The following BCAS1 variants were observed in gnomAD, a reference collection of about 807,000 sequenced individuals.
BCAS1 encodes brain enriched myelin associated protein 1, also known as breast carcinoma-amplified sequence 1.
BCAS1 carries 46 observed loss-of-function variants against 65.4 expected under a neutral mutation model. That is an observed-to-expected ratio of 0.70 (90% CI 0.55 to 0.90). The LOEUF (loss-of-function observed/expected upper bound fraction) is 0.90, where lower values mean the gene tolerates loss of function less well. BCAS1 is among the 40% of genes least tolerant of loss of function. The pLI, the probability that BCAS1 is intolerant of heterozygous loss-of-function variation, is 0.00. For synonymous variants in BCAS1, 298 were observed against 293.5 expected (o/e 1.02, Z -0.16); for missense variants, 793 against 771.2 (o/e 1.03, Z -0.33).
chr20:54,028,142 C>A (rs902384955), intron 4 of BCAS1, among the ~76,000 whole-genome samples: 1 of 152,218 alleles, frequency 6.6e-6, no homozygotes, highest in Non-Finnish European at 1.5e-5. Context: ...AATTCATCTG[C>A]ATGTAACTCA....
At chr20:54,054,688 T>C (rs1161781573) in intron 3 of BCAS1, among the ~76,000 whole-genome samples, 5 of 152,332 alleles carry the variant, frequency 3.3e-5, no homozygotes, top group South Asian at 4.1e-4. Context: ...CTGAGGATGT[T>C]GACAGCAAGA....
At chr20:54,010,512 T>C (rs1245442780) in intron 4 of BCAS1, among the ~76,000 whole-genome samples, 2 of 152,094 alleles carry the variant, frequency 1.3e-5, no homozygotes, top group East Asian at 3.8e-4. Flanking sequence ...GAAAATGAAA[T>C]ACTAAGGTTT....
chr20:53,971,979 T>C (rs546253087), intron 9 of BCAS1, among the ~76,000 whole-genome samples: 4 of 152,364 alleles, frequency 2.6e-5, no homozygotes, highest in African/African-American at 9.6e-5. Flanking sequence ...GGAAAAGCAC[T>C]AAACTTCCAC....
intron 3 of BCAS1, among the ~76,000 whole-genome samples, chr20:54,054,025 G>A (rs188514168): frequency 7.8e-4 from 119 of 152,330 alleles, no homozygotes; most frequent in East Asian, 2.7e-3. Flanking sequence ...GGCAGATGAC[G>A]AAGGAAGAGC....
At chr20:54,044,064 T>C (rs1027879956) in intron 3 of BCAS1, among the ~76,000 whole-genome samples, 6 of 152,234 alleles carry the variant, frequency 3.9e-5, no homozygotes, top group African/African-American at 1.2e-4. Context: ...TGGTAAGTTC[T>C]TTTTGGTGTG....
chr20:53,974,970 G>A (rs1008196102), intron 9 of BCAS1, among the ~76,000 whole-genome samples: 39 of 152,276 alleles, frequency 2.6e-4, no homozygotes, highest in African/African-American at 8.7e-4. Context: ...TCTCATGCCT[G>A]ATGCAACTCC....
rs189267021 is a variant in BCAS1, at chr20:54,028,230, A to G, written c.723+162T>C. On this transcript the variant is annotated intron_variant, in intron 4 of 12. Coordinates refer to ENST00000688948, the MANE Select transcript of BCAS1 (RefSeq NM_001366298.2). Reference sequence around the variant, plus strand: ...CACAGAAGTTTCTACCCAGAGAAACATCAGGATGACACTCTGCTGCAATGT... The same window carrying G: ...CACAGAAGTTTCTACCCAGAGAAACGTCAGGATGACACTCTGCTGCAATGT... 6.0e-4 allele frequency: 419 copies of G among 699,238 alleles called. 1 individual carries two copies. The highest frequency in any genetic ancestry group is 2.0e-3 in the Admixed American group (88 of 44,290). The allele number at this position is 699,238 out of a possible 1,614,324, so 43.3% of individuals were successfully genotyped here.
At chr20:53,971,250 G>A (rs555119011) in intron 9 of BCAS1, among the ~76,000 whole-genome samples, 4 of 152,288 alleles carry the variant, frequency 2.6e-5, no homozygotes, top group Admixed American at 2.0e-4. Flanking sequence ...TTTAGGATCC[G>A]TTGCATGATT....
intron 11 of BCAS1, among the ~76,000 whole-genome samples, chr20:53,956,863 A>G (rs1394310109): frequency 6.6e-6 from 1 of 152,228 alleles, no homozygotes; most frequent in Non-Finnish European, 1.5e-5. Context: ...AGTTATAAAT[A>G]TGTCATAGCT....
intron 8 of BCAS1, among the ~76,000 whole-genome samples, chr20:53,977,246 A>G (rs2075233540): frequency 6.6e-6 from 1 of 152,202 alleles, no homozygotes; most frequent in Admixed American, 6.5e-5. Context: ...TATGGGGATT[A>G]CAATTTGAGA....
intron 3 of BCAS1, among the ~76,000 whole-genome samples, chr20:54,050,865 G>A (rs1415767509): frequency 6.6e-6 from 1 of 152,172 alleles, no homozygotes; most frequent in African/African-American, 2.4e-5. Flanking sequence ...AGCATTAGCT[G>A]CACTCTCACA....
In BCAS1 at chr20:54,030,143, A is replaced by G. The variant is rs147348164; in HGVS notation, c.143-1171T>C. On this transcript the variant is annotated intron_variant, in intron 3 of 12. Transcript: ENST00000688948. ...ACCTCTACCTTGACCTAAATTAACT[A>G]TAAAAGGTCCTTCTTTTCTAGGACC... is the stretch of plus-strand genomic sequence containing the variant. 2.7e-3 allele frequency among the ~76,000 whole-genome samples: 413 copies of G among 152,348 alleles called. 2 individuals carry two copies. The highest frequency in any genetic ancestry group is 6.9e-3 in the Admixed American group (106 of 15,304).
chr20:53,994,949 C>A, intron 6 of BCAS1, 63 bp downstream of exon 6: 2 of 1,449,428 alleles, frequency 1.4e-6, no homozygotes, highest in Non-Finnish European at 1.9e-6. Context: ...CAGGCAGACA[C>A]AAATCCAAAT....
chr20:54,024,299 TAG>T, intron 4 of BCAS1, among the ~76,000 whole-genome samples: 1 of 152,306 alleles, frequency 6.6e-6, no homozygotes, highest in African/African-American at 2.4e-5. Context: ...CACTAAACAG[TAG>T]AGACAGGATG....
chr20:53,951,096 A>G (rs1406615392), intron 12 of BCAS1, among the ~76,000 whole-genome samples: 3 of 152,186 alleles, frequency 2.0e-5, no homozygotes, highest in East Asian at 1.9e-4. Context: ...GCTGGCTTCT[A>G]TTAAAATAAT....
intron 9 of BCAS1, among the ~76,000 whole-genome samples, chr20:53,970,353 G>A (rs2090148071): frequency 6.6e-6 from 1 of 152,166 alleles, no homozygotes; most frequent in Non-Finnish European, 1.5e-5. Context: ...GCTTTTAGTA[G>A]CCAAGGAAAA....
chr20:53,975,293 T>A lies in BCAS1; in HGVS notation c.1317+96A>T, dbSNP rs548950342. On this transcript the variant is annotated intron_variant, in intron 9 of 12. Coordinates refer to ENST00000688948, the MANE Select transcript of BCAS1 (RefSeq NM_001366298.2). The stretch of plus-strand genomic sequence containing the variant: ...CAACAAACGAATCACACTGGCAGCA[T>A]GCAAGAACACAGGACCCCAGAGCTG... The A allele has an allele frequency of 7.7e-4, 817 of 1,062,450 alleles. 7 individuals are homozygous for A. The African/African-American group carries it at 0.012, about 15-fold the overall frequency. The allele number at this position is 1,062,450 out of a possible 1,614,324, so 65.8% of individuals were successfully genotyped here. A position where few individuals can be genotyped will look rare whatever the true frequency, so the allele number is the denominator to read the frequency against.
rs774457107 is a variant in BCAS1, at chr20:53,957,506, A to G, written c.1486-9T>C. 13 of 1,613,048 alleles carry G rather than the reference A, an allele frequency of 8.1e-6. No individual in the cohort carries two copies. In the Admixed American group the frequency reaches 1.0e-4, roughly 12 times the overall value. On this transcript the variant is annotated splice_polypyrimidine_tract_variant and intron_variant, in intron 10 of 12. Transcript: ENST00000688948. ...CCATCCCCTTTCACTGACTAAAATAACAAACAGACAATGGCCTTCAGCCAC... is the reference window on the plus strand; with the variant it reads ...CCATCCCCTTTCACTGACTAAAATAGCAAACAGACAATGGCCTTCAGCCAC...
Position 53,944,654 on chromosome 20 carries a change from C to G in BCAS1, c.*268G>C. The G allele has an allele frequency of 2.3e-6, 1 of 426,596 alleles. No homozygotes were observed. The highest frequency in any genetic ancestry group is 2.4e-5 in the South Asian group (1 of 41,044). 26.4% of individuals were successfully genotyped at this position (426,596 alleles called of 1,614,324 possible). A position where few individuals can be genotyped will look rare whatever the true frequency, so the allele number is the denominator to read the frequency against. ...TTAACCCGAACACATTCCTCTATTC[C>G]CTCCCTTTCCTGCTTGGTGATCATC... On this transcript the variant is annotated 3_prime_UTR_variant, in exon 13 of 13. Coordinates refer to ENST00000688948, the MANE Select transcript of BCAS1 (RefSeq NM_001366298.2).
Sources: allele counts gnomAD v4.1 joint callset (sites outside exome capture counted in the v4.1 genomes callset), GRCh38; gene constraint gnomAD v4.1.1; transcripts MANE v1.5; gene names NCBI Gene and HGNC (gene_info 2026-07-23, HGNC 2026-07-21).